The following C19orf81 variants were observed in gnomAD, a reference collection of about 807,000 sequenced individuals.
The protein encoded by C19orf81 is chromosome 19 open reading frame 81, also known as putative uncharacterized protein C19orf81.
Under a neutral mutation model 22.1 loss-of-function variants are expected in C19orf81, and 19 were observed. That is an observed-to-expected ratio of 0.86 (90% CI 0.60 to 1.26). The LOEUF (loss-of-function observed/expected upper bound fraction) is 1.26, where lower values mean the gene tolerates loss of function less well. Ranked by LOEUF, C19orf81 falls within the 50% of genes most tolerant of loss-of-function variation. The pLI, the probability that C19orf81 is intolerant of heterozygous loss-of-function variation, is 0.00. For synonymous variants in C19orf81, 108 were observed against 113.1 expected, an observed-to-expected ratio of 0.95 and a Z score of 0.29; for missense variants, 287 against 280.7, an observed-to-expected ratio of 1.02 and a Z score of -0.16.
At chr19:50,653,171 A>C (rs7256946) in intron 1 of C19orf81, among the ~76,000 whole-genome samples, 5 of 152,046 alleles carry the variant, frequency 3.3e-5, no homozygotes, top group African/African-American at 9.7e-5. Context: ...CGGAGTACCT[A>C]AGACTACAGG....
intron 3 of C19orf81, 22 bp from the exon 4 acceptor site, chr19:50,657,967 G>T (rs553586103): frequency 6.6e-7 from 1 of 1,514,854 alleles, no homozygotes; most frequent in Non-Finnish European, 8.8e-7. Context: ...ACGGGCTGAG[G>T]TTCTCTCTCC....
chr19:50,656,209 G>T lies in C19orf81; in HGVS notation c.141-17G>T. The T allele has an allele frequency of 6.5e-7, 1 of 1,536,072 alleles. No individual in the cohort carries two copies. The highest frequency in any genetic ancestry group is 8.7e-7 in the Non-Finnish European group (1 of 1,146,840). ...ACCCTGACCTCAGAGGTCCCTGCCT[G>T]TTCGCTCTCTCCCTAGAAAGCAGTA... On this transcript the variant is annotated splice_polypyrimidine_tract_variant and intron_variant, in intron 2 of 4. Transcript: ENST00000425202.
intron 1 of C19orf81, among the ~76,000 whole-genome samples, chr19:50,653,811 A>C (rs1301642882): frequency 1.4e-5 from 2 of 147,860 alleles, no homozygotes; most frequent in East Asian, 4.0e-4. Context: ...GACTTTGGGG[A>C]GGGTTCACGG....
At chr19:50,654,867 G>T (rs1243841023) in intron 1 of C19orf81, among the ~76,000 whole-genome samples, 1 of 152,152 alleles carries the variant, frequency 6.6e-6, no homozygotes, top group African/African-American at 2.4e-5. Context: ...AACCAGAATT[G>T]TATTTCTCTC....
At chr19:50,658,192 T>G (rs1380154762) in intron 4 of C19orf81, 64 bp downstream of exon 4, 15 of 1,454,838 alleles carry the variant, frequency 1.0e-5, no homozygotes, top group Admixed American at 2.3e-5. Context: ...GGCGACCGGG[T>G]AAGAGCGTGG....
Position 50,656,216 on chromosome 19 carries a change from C to T in C19orf81, c.141-10C>T. The T allele has an allele frequency of 1.3e-6, 2 of 1,536,084 alleles. No homozygotes were observed. Among genetic ancestry groups the T allele is most frequent in the Non-Finnish European group, 1.7e-6 (2 of 1,146,846 alleles). ...CCTCAGAGGTCCCTGCCTGTTCGCT[C>T]TCTCCCTAGAAAGCAGTACCTGCGG... On this transcript the variant is annotated splice_polypyrimidine_tract_variant and intron_variant, in intron 2 of 4. Transcript: ENST00000425202.
At position 50,652,971 on chromosome 19, in the gene C19orf81, CAT is replaced by C; in HGVS notation, c.68-3078_68-3077del. Among the ~76,000 whole-genome samples the C allele has an allele frequency of 2.6e-5, 4 of 152,256 alleles. No homozygotes were observed. The East Asian group carries it at 7.7e-4, about 29-fold the overall frequency. On this transcript the variant is annotated intron_variant, in intron 1 of 4. Coordinates refer to ENST00000425202, the MANE Select transcript of C19orf81 (RefSeq NM_001195076.2). ...TAACCTCTCTGTGCTTCTGTTTCAT[CAT>C]GTGTTAAACAACACTACCTCGGAAG...
At chr19:50,649,719 C>A in intron 1 of C19orf81, 1 of 682,802 alleles carries the variant, frequency 1.5e-6, no homozygotes, top group Non-Finnish European at 2.7e-6. Flanking sequence ...GTTCCTTGGC[C>A]AATGCCCTGG....
chr19:50,659,297 T>C lies in C19orf81; in HGVS notation c.*155T>C. 1 of 575,752 alleles carries C rather than the reference T, an allele frequency of 1.7e-6. No homozygotes were observed. The highest frequency in any genetic ancestry group is 3.6e-5 in the East Asian group (1 of 27,670). 35.7% of individuals were successfully genotyped at this position (575,752 alleles called of 1,614,324 possible). A position where few individuals can be genotyped will look rare whatever the true frequency, so the allele number is the denominator to read the frequency against. On this transcript the variant is annotated 3_prime_UTR_variant, in exon 5 of 5. Coordinates refer to ENST00000425202, the MANE Select transcript of C19orf81 (RefSeq NM_001195076.2). ...GTGAGTTTAATTATAAAGAATGACC[T>C]GGTACAAAAGCCATTTCTCTCTGCA... is the stretch of plus-strand genomic sequence containing the variant.
rs1191978263 is a variant in C19orf81 at position 50,659,100 on chromosome 19, C to A, written c.555C>A (p.Arg185=). ...LHLRRSLVRR[R]MLEALGAEPN... is the part of the protein sequence containing the mutation. ...TGCGCCGCTCCCTGGTCCGGCGGCG[C>A]ATGCTCGAGGCCCTGGGGGCGGAGC... is the stretch of plus-strand genomic sequence containing the variant. Residue 185 remains arginine, a synonymous_variant, in exon 5 of 5, where the codon CGC becomes CGA. Coordinates refer to ENST00000425202, the MANE Select transcript of C19orf81 (RefSeq NM_001195076.2). The A allele has an allele frequency of 1.3e-6, 2 of 1,494,798 alleles. No homozygotes were observed. The highest frequency in any genetic ancestry group is 1.8e-6 in the Non-Finnish European group (2 of 1,125,324). 92.6% of individuals were successfully genotyped at this position (1,494,798 alleles called of 1,614,324 possible). A position where few individuals can be genotyped will look rare whatever the true frequency, so the allele number is the denominator to read the frequency against.
Position 50,658,940 on chromosome 19 carries a change from C to T in C19orf81, c.402-7C>T. ...GAGTTCCTTTTCCGTCCCCACCCCCCTTACAGGTGGCTCATCGCGGTCACG... is the reference window on the plus strand; with the variant it reads ...GAGTTCCTTTTCCGTCCCCACCCCCTTTACAGGTGGCTCATCGCGGTCACG... On this transcript the variant is annotated splice_region_variant and splice_polypyrimidine_tract_variant and intron_variant, in intron 4 of 4. Transcript: ENST00000425202. 6.8e-7 allele frequency: 1 copy of T among 1,471,966 alleles called. No individual in the cohort carries two copies. The highest frequency in any genetic ancestry group is 9.0e-7 in the Non-Finnish European group (1 of 1,108,284). 91.2% of individuals were successfully genotyped at this position (1,471,966 alleles called of 1,614,324 possible). A position where few individuals can be genotyped will look rare whatever the true frequency, so the allele number is the denominator to read the frequency against.
In C19orf81 at chr19:50,649,859, C is replaced by G. The variant is rs1443325200; in HGVS notation, c.67+348C>G. The G allele has an allele frequency of 3.6e-5, 17 of 478,294 alleles. 1 individual carries two copies. Among genetic ancestry groups the G allele is most frequent in the South Asian group, 2.6e-4 (17 of 64,742 alleles). The allele number at this position is 478,294 out of a possible 1,614,324, so 29.6% of individuals were successfully genotyped here. On this transcript the variant is annotated intron_variant, in intron 1 of 4. Coordinates refer to ENST00000425202, the MANE Select transcript of C19orf81 (RefSeq NM_001195076.2). ...CATCTTCCCCCAAAGCTGCTCTCCTCCTTCCTGGTTTCCATTTTCAAATGG... is the reference window on the plus strand; with the variant it reads ...CATCTTCCCCCAAAGCTGCTCTCCTGCTTCCTGGTTTCCATTTTCAAATGG...
At chr19:50,658,552 A>C in intron 4 of C19orf81, 1 of 247,658 alleles carries the variant, frequency 4.0e-6, no homozygotes, top group Non-Finnish European at 7.8e-6. Flanking sequence ...AGTGACCGGG[A>C]TAGAGGTCTG....
intron 1 of C19orf81, among the ~76,000 whole-genome samples, chr19:50,655,119 A>G (rs1351665763): frequency 6.6e-6 from 1 of 152,214 alleles, no homozygotes; most frequent in Non-Finnish European, 1.5e-5. Context: ...GCATGGTCAC[A>G]TGGCCACACT....
rs1985077243 is a variant in C19orf81 at position 50,659,052 on chromosome 19, G to GA, written c.507_508insA (p.Leu170ThrfsTer81). On this transcript the variant is annotated frameshift_variant, in exon 5 of 5. Transcript: ENST00000425202. LOFTEE classifies it high-confidence loss of function. Reference sequence around the variant, plus strand: ...AGATCGTGCGCCACGACGACCTCCTGCTGGGCGACTACCGCCTGCACCTGC... The same window carrying GA: ...AGATCGTGCGCCACGACGACCTCCTGACTGGGCGACTACCGCCTGCACCTGC... 1 of 1,529,228 alleles carries GA rather than the reference G, an allele frequency of 6.5e-7. No individual in the cohort carries two copies. Among genetic ancestry groups the GA allele is most frequent in the Non-Finnish European group, 8.7e-7 (1 of 1,143,416 alleles). The allele number at this position is 1,529,228 out of a possible 1,614,324, so 94.7% of individuals were successfully genotyped here. A position where few individuals can be genotyped will look rare whatever the true frequency, so the allele number is the denominator to read the frequency against.
chr19:50,655,944 A>G (rs928764834), intron 1 of C19orf81, 106 bp from the exon 2 acceptor site: 3 of 1,058,620 alleles, frequency 2.8e-6, no homozygotes, highest in Non-Finnish European at 4.2e-6. Flanking sequence ...TCTGGCATAC[A>G]AGCTATTCTG....
intron 3 of C19orf81, 146 bp downstream of exon 3, chr19:50,656,492 CTGAT>C: frequency 3.3e-6 from 4 of 1,202,424 alleles, no homozygotes; most frequent in Non-Finnish European, 4.5e-6. Context: ...TTGCTGAAAA[CTGAT>C]TGTGAATTTG....
rs1217716371 is a variant in C19orf81, at chr19:50,656,015, C to T, written c.68-35C>T. Reference sequence around the variant, plus strand: ...TAAGCAGAATCATGGCTGAGGAGGGCTCAGGGCAGCTGACACTGGGTTCTC... The same window carrying T: ...TAAGCAGAATCATGGCTGAGGAGGGTTCAGGGCAGCTGACACTGGGTTCTC... On this transcript the variant is annotated intron_variant, in intron 1 of 4. Coordinates refer to ENST00000425202, the MANE Select transcript of C19orf81 (RefSeq NM_001195076.2). 6 of 1,532,252 alleles carry T rather than the reference C, an allele frequency of 3.9e-6. No individual in the cohort carries two copies. In the Admixed American group the frequency reaches 5.9e-5, roughly 15 times the overall value. The allele number at this position is 1,532,252 out of a possible 1,614,324, so 94.9% of individuals were successfully genotyped here.
intron 3 of C19orf81, among the ~76,000 whole-genome samples, chr19:50,656,976 G>A (rs1324518867): frequency 1.5e-5 from 2 of 131,944 alleles, no homozygotes; most frequent in Non-Finnish European, 3.1e-5. Flanking sequence ...AAGAAAGAAA[G>A]AAAGAAGGAA....
Sources: gnomAD v4.1 joint callset for allele counts (sites outside exome capture counted in the v4.1 genomes callset) on GRCh38, gnomAD v4.1.1 for gene constraint, MANE v1.5 for transcripts, NCBI Gene and HGNC (gene_info 2026-07-23, HGNC 2026-07-21) for gene names.